Variants in CNTNAP2 observed in about 807,000 individuals in gnomAD.
CNTNAP2 encodes contactin associated protein 2, also known as contactin-associated protein-like 2.
In CNTNAP2, 98 loss-of-function variants were observed where a neutral mutation model predicts 155.2. That is an observed-to-expected ratio of 0.63 (90% confidence interval 0.54 to 0.75). CNTNAP2 has a LOEUF of 0.75. Ranked by LOEUF, CNTNAP2 falls within the 30% of genes least tolerant of loss-of-function variation. The pLI, the probability that CNTNAP2 is intolerant of heterozygous loss-of-function variation, is 0.00. For synonymous variants in CNTNAP2, 651 were observed against 631.2 expected, an observed-to-expected ratio of 1.03 and a Z score of -0.47; for missense variants, 1,727 against 1,688.1, an observed-to-expected ratio of 1.02 and a Z score of -0.40.
chr7:147,143,315 T>C (rs764249397), intron 8 of CNTNAP2, among the ~76,000 whole-genome samples: 12 of 152,230 alleles, frequency 7.9e-5, no homozygotes, highest in Non-Finnish European at 1.6e-4. Flanking sequence ...GTTTTAAAGA[T>C]GGTCTCACAT....
In CNTNAP2 at chr7:147,016,154, T is replaced by C. The variant is rs377154589; in HGVS notation, c.403-27753T>C. Among the ~76,000 whole-genome samples the C allele has an allele frequency of 1.4e-3, 220 of 152,136 alleles. 1 individual carries two copies. Among genetic ancestry groups the C allele is most frequent in the African/African-American group, 5.0e-3 (209 of 41,522 alleles). ...TTTCAAAAACTTTCTGACACATGAG[T>C]GCTAATTTGAGCAGAATTTAGCTAG... On this transcript the variant is annotated intron_variant, in intron 3 of 23. Coordinates refer to ENST00000361727, the MANE Select transcript of CNTNAP2 (RefSeq NM_014141.6).
At chr7:146,189,906 C>T (rs1490104914) in intron 1 of CNTNAP2, among the ~76,000 whole-genome samples, 2 of 152,290 alleles carry the variant, frequency 1.3e-5, no homozygotes, top group South Asian at 2.1e-4. Flanking sequence ...ATATGAAATA[C>T]TGTCCAATCA....
intron 3 of CNTNAP2, among the ~76,000 whole-genome samples, chr7:146,854,605 T>C (rs969311078): frequency 6.6e-6 from 1 of 152,174 alleles, no homozygotes; most frequent in Non-Finnish European, 1.5e-5. Flanking sequence ...AGGGACATTA[T>C]GTTACTCTTT....
chr7:148,232,035 T>C (rs377471284), intron 20 of CNTNAP2, among the ~76,000 whole-genome samples: 13 of 152,154 alleles, frequency 8.5e-5, no homozygotes, highest in African/African-American at 2.7e-4. Context: ...TGTCATGTAA[T>C]GTAACTGACT....
At chr7:147,602,630 C>A (rs960398347) in intron 12 of CNTNAP2, among the ~76,000 whole-genome samples, 1 of 150,558 alleles carries the variant, frequency 6.6e-6, no homozygotes, top group African/African-American at 2.5e-5. Context: ...CTAATGCTAT[C>A]CCTCCCCACT....
chr7:147,306,383 A>G (rs377202813), intron 9 of CNTNAP2, among the ~76,000 whole-genome samples: 2 of 152,158 alleles, frequency 1.3e-5, no homozygotes, highest in African/African-American at 4.8e-5. Flanking sequence ...AGTGGATAAA[A>G]ATGTGCTGGT....
intron 9 of CNTNAP2, among the ~76,000 whole-genome samples, chr7:147,348,375 C>A (rs1232900910): frequency 6.7e-6 from 1 of 148,594 alleles, no homozygotes; most frequent in Non-Finnish European, 1.5e-5. Context: ...ATACAAATAG[C>A]AAAAAAAAAA....
At chr7:147,446,489 T>C (rs1797742486) in intron 10 of CNTNAP2, among the ~76,000 whole-genome samples, 1 of 144,970 alleles carries the variant, frequency 6.9e-6, no homozygotes, top group Non-Finnish European at 1.6e-5. Flanking sequence ...TCATCAATAA[T>C]GGAGTTAGTA....
intron 2 of CNTNAP2, among the ~76,000 whole-genome samples, chr7:146,787,188 ACTCTTC>A (rs1802588056): frequency 6.6e-6 from 1 of 151,990 alleles, no homozygotes; most frequent in African/African-American, 2.4e-5. Context: ...TGACTTCCTT[ACTCTTC>A]CTCCCTGAGT....
intron 1 of CNTNAP2, among the ~76,000 whole-genome samples, chr7:146,636,218 G>C (rs748085594): frequency 4.9e-4 from 74 of 152,162 alleles, no homozygotes; most frequent in Non-Finnish European, 7.8e-4. Flanking sequence ...TGATGGGATT[G>C]TGCTTTATCT....
At chr7:146,924,035 G>T (rs998852292) in intron 3 of CNTNAP2, among the ~76,000 whole-genome samples, 18 of 151,640 alleles carry the variant, frequency 1.2e-4, no homozygotes, top group African/African-American at 4.1e-4. Flanking sequence ...TAAAGTATAT[G>T]TTTTTTTTCT....
chr7:147,056,292 G>C (rs77316301), intron 4 of CNTNAP2, among the ~76,000 whole-genome samples: 1 of 151,878 alleles, frequency 6.6e-6, no homozygotes, highest in African/African-American at 2.4e-5. Context: ...TGCTGTGTTG[G>C]CTGTATTTGT....
intron 1 of CNTNAP2, among the ~76,000 whole-genome samples, chr7:146,271,170 G>A (rs1314648429): frequency 1.3e-5 from 2 of 151,742 alleles, no homozygotes; most frequent in Non-Finnish European, 2.9e-5. Flanking sequence ...ACCTTTTCTT[G>A]CAGGATTTCT....
At chr7:146,485,511 T>G (rs540244319) in intron 1 of CNTNAP2, among the ~76,000 whole-genome samples, 2 of 152,356 alleles carry the variant, frequency 1.3e-5, no homozygotes, top group East Asian at 3.9e-4. Context: ...CAGATGGGTC[T>G]GATTTCTGAA....
At position 147,350,621 on chromosome 7, in the gene CNTNAP2, A is replaced by G. The variant is rs917090757; in HGVS notation, c.1499-44988A>G. ...GTTTTTCCTGACATTTGTGAAGTCAATGAGTTTTTCTGCTGTACATTAGTT... is the reference window on the plus strand; with the variant it reads ...GTTTTTCCTGACATTTGTGAAGTCAGTGAGTTTTTCTGCTGTACATTAGTT... On this transcript the variant is annotated intron_variant, in intron 9 of 23. Coordinates refer to ENST00000361727, the MANE Select transcript of CNTNAP2 (RefSeq NM_014141.6). Among the ~76,000 whole-genome samples, 7 of 151,952 alleles carry G rather than the reference A, an allele frequency of 4.6e-5. No individual in the cohort carries two copies. In the East Asian group the frequency reaches 9.7e-4, roughly 21 times the overall value.
chr7:146,605,266 A>T (rs925114724), intron 1 of CNTNAP2, among the ~76,000 whole-genome samples: 1 of 150,944 alleles, frequency 6.6e-6, no homozygotes. Flanking sequence ...TTTGTGTATT[A>T]TTGTACTTGT....
intron 5 of CNTNAP2, among the ~76,000 whole-genome samples, chr7:147,112,711 G>T (rs1800905590): frequency 6.6e-6 from 1 of 152,076 alleles, no homozygotes; most frequent in African/African-American, 2.4e-5. Flanking sequence ...TACATCTCAG[G>T]GATGAGGCCT....
intron 8 of CNTNAP2, among the ~76,000 whole-genome samples, chr7:147,172,583 T>A (rs1802254305): frequency 6.6e-6 from 1 of 152,156 alleles, no homozygotes; most frequent in African/African-American, 2.4e-5. Context: ...CAATTCATGT[T>A]AATGTAAGCT....
At chr7:147,893,470 T>C (rs1799725870) in intron 13 of CNTNAP2, among the ~76,000 whole-genome samples, 1 of 152,204 alleles carries the variant, frequency 6.6e-6, no homozygotes, top group Non-Finnish European at 1.5e-5. Flanking sequence ...TCTTTGTTTC[T>C]TTATAGATGT....
Sources: gnomAD v4.1 joint callset for allele counts (sites outside exome capture counted in the v4.1 genomes callset) on GRCh38, gnomAD v4.1.1 for gene constraint, MANE v1.5 for transcripts, NCBI Gene and HGNC (gene_info 2026-07-23, HGNC 2026-07-21) for gene names.